Variants in ARL17A observed in about 807,000 individuals in gnomAD.
ARL17A encodes ADP-ribosylation factor-like 17-like.
intron 4 of ARL17A, among the ~76,000 whole-genome samples, chr17:46,534,096 C>T (rs2054167215): frequency 1.4e-5 from 2 of 141,230 alleles, no homozygotes; most frequent in South Asian, 2.2e-4. Flanking sequence ...ACGTTGCAGC[C>T]TCCACCTCCC....
At chr17:46,569,487 CCT>C (rs994293333) in intron 3 of ARL17A, among the ~76,000 whole-genome samples, 5 of 146,308 alleles carry the variant, frequency 3.4e-5, no homozygotes, top group Non-Finnish European at 1.5e-5. Flanking sequence ...GTTATGTTAT[CCT>C]CTCTGTCTTT....
intron 3 of ARL17A, among the ~76,000 whole-genome samples, chr17:46,569,632 CAAT>C (rs2057666448): frequency 3.1e-5 from 3 of 97,162 alleles, no homozygotes; most frequent in African/African-American, 4.8e-5. Flanking sequence ...ACAGCTAAAA[CAAT>C]GATATAAAAT....
At chr17:46,530,457 G>C (rs531671287) in intron 4 of ARL17A, among the ~76,000 whole-genome samples, 3 of 141,616 alleles carry the variant, frequency 2.1e-5, no homozygotes, top group Non-Finnish European at 4.6e-5. Flanking sequence ...GAATAGGAAA[G>C]AGGAGGGGGA....
At chr17:46,551,178 T>G (rs2056771557), downstream of ARL17A, among the ~76,000 whole-genome samples, 1 of 149,264 alleles carries the variant, frequency 6.7e-6, no homozygotes, top group Admixed American at 6.6e-5. Flanking sequence ...CCCCTCAGAT[T>G]AGAGATGCTC....
intron 4 of ARL17A, among the ~76,000 whole-genome samples, chr17:46,533,384 A>C: frequency 9.5e-6 from 1 of 104,908 alleles, no homozygotes; most frequent in East Asian, 2.8e-4. Context: ...TGCTTCTCTA[A>C]AGCTCCACTC....
At chr17:46,536,828 A>T (rs1205707675) in intron 4 of ARL17A, among the ~76,000 whole-genome samples, 1 of 9,722 alleles carries the variant, frequency 1.0e-4, no homozygotes, top group Non-Finnish European at 1.6e-4. Context: ...GAACCACCAG[A>T]CAGATGACAT....
intron 3 of ARL17A, among the ~76,000 whole-genome samples, chr17:46,544,514 T>G (rs1398538273): frequency 1.0e-4 from 1 of 10,020 alleles, no homozygotes; most frequent in Non-Finnish European, 1.5e-4. Flanking sequence ...TTTCAGGTAT[T>G]GATTCATTTG....
chr17:46,558,702 T>C (rs1427520102), intron 3 of ARL17A: 1 of 135,552 alleles, frequency 7.4e-6, no homozygotes, highest in Admixed American at 7.4e-5. Flanking sequence ...GGAAATTCAG[T>C]TTCTGAAAAT....
At chr17:46,542,802 C>T (rs188521842) in intron 3 of ARL17A, among the ~76,000 whole-genome samples, 11,778 of 138,374 alleles carry the variant, frequency 0.085, no homozygotes, top group Non-Finnish European at 0.13. Flanking sequence ...ATTGTGCCAC[C>T]AGCCCCCACA....
downstream of ARL17A, among the ~76,000 whole-genome samples, chr17:46,526,396 AAAG>A (rs1354612775): frequency 9.8e-6 from 1 of 101,602 alleles, no homozygotes; most frequent in African/African-American, 3.9e-5. Flanking sequence ...ACAAACAAAA[AAAG>A]AGGCCCCAGC....
chr17:46,539,216 A>AC, intron 3 of ARL17A, among the ~76,000 whole-genome samples: 1 of 77,120 alleles, frequency 1.3e-5, no homozygotes, highest in African/African-American at 3.9e-5. Flanking sequence ...ATCTCAGAAA[A>AC]AAAAAAAAAA....
rs1204528686 is a variant in ARL17A, at chr17:46,539,768, CAA to C, written c.260-1344_260-1343del. Among the ~76,000 whole-genome samples the C allele has an allele frequency of 2.5e-3, 169 of 67,012 alleles. 4 individuals carry two copies. Among genetic ancestry groups the C allele is most frequent in the East Asian group, 0.014 (40 of 2,796 alleles). The allele number at this position is 67,012 out of a possible 152,430, so 44.0% of individuals were successfully genotyped here. On this transcript the variant is annotated intron_variant, in intron 3 of 4. Coordinates refer to the ARL17A transcript ENST00000329240. ...GGGCAACAAGAGCGAGACTCCATCT[CAA>C]AAAAAAAAAAAAAAAAAAAATAGAT...
chr17:46,500,729 C>G, the ARL17A span, among the ~76,000 whole-genome samples: 78 of 151,188 alleles, frequency 5.2e-4, no homozygotes, highest in Non-Finnish European at 5.9e-5. Flanking sequence ...TCATGACATT[C>G]AATGAGTAGC....
At chr17:46,559,065 G>C (rs1357597497) in intron 3 of ARL17A, 2 of 79,036 alleles carry the variant, frequency 2.5e-5, no homozygotes, top group Admixed American at 1.3e-4. Flanking sequence ...TCTTCAGCTG[G>C]AGGTGAGCAG....
intron 3 of ARL17A, among the ~76,000 whole-genome samples, chr17:46,541,330 C>A (rs1170867613): frequency 1.3e-5 from 2 of 149,800 alleles, no homozygotes; most frequent in Non-Finnish European, 2.9e-5. Flanking sequence ...AGGCTCACTG[C>A]AACCTCCACC....
chr17:46,544,970 A>T (rs2056058397), intron 3 of ARL17A, among the ~76,000 whole-genome samples: 1 of 140,526 alleles, frequency 7.1e-6, no homozygotes, highest in African/African-American at 2.7e-5. Context: ...GTTGTCTTGT[A>T]AATTGTCCCA....
intron 3 of ARL17A, among the ~76,000 whole-genome samples, chr17:46,541,712 CAATA>C (rs893228976): frequency 6.6e-6 from 1 of 150,800 alleles, no homozygotes; most frequent in African/African-American, 2.5e-5. Flanking sequence ...AACAATACAA[CAATA>C]AAAGCAGTAG....
downstream of ARL17A, among the ~76,000 whole-genome samples, chr17:46,551,284 C>T (rs1226609968): frequency 1.3e-5 from 2 of 149,770 alleles, no homozygotes; most frequent in Non-Finnish European, 2.9e-5. Flanking sequence ...GTCTTTTGTT[C>T]GATTACATGA....
intron 4 of ARL17A, among the ~76,000 whole-genome samples, chr17:46,534,717 T>A (rs1185165155): frequency 2.0e-5 from 3 of 150,042 alleles, no homozygotes; most frequent in Non-Finnish European, 4.4e-5. Context: ...TGGGTACACC[T>A]CCCAGACGGG....
Sources: gnomAD v4.1 joint callset for allele counts (sites outside exome capture counted in the v4.1 genomes callset) on GRCh38, gnomAD v4.1.1 for gene constraint, MANE v1.5 for transcripts, NCBI Gene and HGNC (gene_info 2026-07-23, HGNC 2026-07-21) for gene names.